Variants in TMEM74 observed in about 807,000 individuals in gnomAD.
TMEM74 encodes the protein transmembrane protein 74.
Under a neutral mutation model 18.1 loss-of-function variants are expected in TMEM74, and 13 were observed. The ratio of observed to expected loss-of-function variants is 0.72; its 90% CI spans 0.47 to 1.14. The LOEUF (loss-of-function observed/expected upper bound fraction) is 1.14. TMEM74 is among the 50% of genes most tolerant of loss of function. TMEM74 has a pLI of 0.00. For synonymous variants in TMEM74, 159 were observed against 146.6 expected, an observed-to-expected ratio of 1.08 and a Z score of -0.61; for missense variants, 372 against 375.9, an observed-to-expected ratio of 0.99 and a Z score of 0.09.
At chr8:108,616,254 T>C (rs972844078) in intron 2 of TMEM74, among the ~76,000 whole-genome samples, 1 of 152,166 alleles carries the variant, frequency 6.6e-6, no homozygotes, top group Admixed American at 6.5e-5. Flanking sequence ...CAGCACACCA[T>C]ACCATTCCAC....
chr8:108,656,343 T>C (rs1812821291), intron 1 of TMEM74, among the ~76,000 whole-genome samples: 1 of 152,190 alleles, frequency 6.6e-6, no homozygotes, highest in South Asian at 2.1e-4. Context: ...GGGAAGCTCA[T>C]TGTTGTCACA....
At chr8:108,657,901 T>TGTA (rs1563742375) in intron 1 of TMEM74, among the ~76,000 whole-genome samples, 10 of 113,796 alleles carry the variant, frequency 8.8e-5, no homozygotes, top group African/African-American at 3.5e-4. Context: ...TATATATATA[T>TGTA]ATTAATTACA....
At chr8:108,606,974 C>T (rs1365828058) in exon 4 of TMEM74, 1 of 152,224 alleles carries the variant, frequency 6.6e-6, no homozygotes, top group African/African-American at 2.4e-5. Context: ...GGAGGATATA[C>T]TCCAAGATGA....
chr8:108,629,059 C>A (rs1812524426), intron 2 of TMEM74, among the ~76,000 whole-genome samples: 1 of 151,958 alleles, frequency 6.6e-6, no homozygotes, highest in Admixed American at 6.6e-5. Flanking sequence ...GGATAGATTG[C>A]AAAAATTTTT....
chr8:108,677,318 G>A (rs1490721659), intron 1 of TMEM74, among the ~76,000 whole-genome samples: 1 of 152,046 alleles, frequency 6.6e-6, no homozygotes, highest in Non-Finnish European at 1.5e-5. Flanking sequence ...TTAAACAAAT[G>A]TGTTAATACT....
chr8:108,735,936 T>C (rs775042753), intron 1 of TMEM74, among the ~76,000 whole-genome samples: 3 of 152,164 alleles, frequency 2.0e-5, no homozygotes, highest in Non-Finnish European at 4.4e-5. Flanking sequence ...ACATACCCCA[T>C]GGCTTATTAC....
chr8:108,665,657 C>T (rs1333546151), intron 1 of TMEM74, among the ~76,000 whole-genome samples: 1 of 152,060 alleles, frequency 6.6e-6, no homozygotes, highest in Non-Finnish European at 1.5e-5. Flanking sequence ...TTGGTCCTTG[C>T]TAATGTGGTT....
chr8:108,751,854 G>C (rs1813906774), intron 1 of TMEM74, among the ~76,000 whole-genome samples: 1 of 152,066 alleles, frequency 6.6e-6, no homozygotes, highest in African/African-American at 2.4e-5. Flanking sequence ...GAGGATTTTG[G>C]AGAACATACG....
chr8:108,745,271 C>A (rs1813838054), intron 1 of TMEM74, among the ~76,000 whole-genome samples: 1 of 152,038 alleles, frequency 6.6e-6, no homozygotes. Flanking sequence ...AGTAAATATG[C>A]AGGCCTTGCT....
chr8:108,640,642 T>A (rs1812656891), intron 2 of TMEM74, among the ~76,000 whole-genome samples: 1 of 152,108 alleles, frequency 6.6e-6, no homozygotes, highest in South Asian at 2.1e-4. Context: ...TAGCAAATTT[T>A]TTTTTGGAAA....
At chr8:108,626,493 A>C (rs548228671) in intron 2 of TMEM74, 1 of 152,158 alleles carries the variant, frequency 6.6e-6, no homozygotes, top group Non-Finnish European at 1.5e-5. Flanking sequence ...TACGCTGTGT[A>C]AGAGCAAGTC....
chr8:108,652,465 T>C (rs1323789016), intron 2 of TMEM74: 1 of 375,944 alleles, frequency 2.7e-6, no homozygotes, highest in African/African-American at 2.1e-5. Context: ...GAGCTTTCAG[T>C]TTCTGCAGAT....
At chr8:108,639,883 A>G (rs1017917273) in intron 2 of TMEM74, among the ~76,000 whole-genome samples, 3 of 152,132 alleles carry the variant, frequency 2.0e-5, no homozygotes, top group African/African-American at 7.2e-5. Flanking sequence ...TTAATACCAA[A>G]TGCATGTGGG....
At chr8:108,725,639 C>A (rs1813629923) in intron 1 of TMEM74, among the ~76,000 whole-genome samples, 1 of 152,000 alleles carries the variant, frequency 6.6e-6, no homozygotes. Context: ...CTGCTAGAAT[C>A]AAGGAGATGT....
At chr8:108,774,864 G>A (rs1022251491), downstream of TMEM74, among the ~76,000 whole-genome samples, 12 of 147,540 alleles carry the variant, frequency 8.1e-5, no homozygotes, top group Non-Finnish European at 1.5e-4. Flanking sequence ...CTCCCAAAGT[G>A]TTGTGATTAC....
chr8:108,629,649 T>C (rs1291729382), intron 2 of TMEM74, among the ~76,000 whole-genome samples: 3 of 152,004 alleles, frequency 2.0e-5, no homozygotes, highest in Non-Finnish European at 2.9e-5. Context: ...GCAGAAACCC[T>C]ACCAGTCAGA....
At chr8:108,705,839 A>G (rs969810238) in intron 1 of TMEM74, among the ~76,000 whole-genome samples, 10 of 152,248 alleles carry the variant, frequency 6.6e-5, no homozygotes, top group Non-Finnish European at 1.3e-4. Context: ...CTCATTAGAG[A>G]TGCTCACAAG....
intron 1 of TMEM74, among the ~76,000 whole-genome samples, chr8:108,699,186 TCCC>T (rs1295018826): frequency 4.7e-5 from 4 of 85,706 alleles, no homozygotes; most frequent in African/African-American, 1.6e-4. Flanking sequence ...CCTTCCTTCC[TCCC>T]TCCCTCCCTC....
At chr8:108,757,695 A>C (rs1308756064) in intron 1 of TMEM74, among the ~76,000 whole-genome samples, 1 of 152,018 alleles carries the variant, frequency 6.6e-6, no homozygotes, top group Non-Finnish European at 1.5e-5. Context: ...TAATTGCTTT[A>C]GAGAAAATGA....
Sources: allele counts gnomAD v4.1 joint callset (sites outside exome capture counted in the v4.1 genomes callset), GRCh38; gene constraint gnomAD v4.1.1; transcripts MANE v1.5; gene names NCBI Gene and HGNC (gene_info 2026-07-23, HGNC 2026-07-21).